Variants in CHMP4C observed in about 807,000 individuals in gnomAD.
The protein encoded by CHMP4C is charged multivesicular body protein 4C.
A neutral mutation model predicts 29.0 loss-of-function variants in CHMP4C; 28 were observed. That is an observed-to-expected ratio of 0.97 (90% CI 0.72 to 1.32). The LOEUF is 1.32. CHMP4C is among the 40% of genes most tolerant of loss of function. The pLI is 0.00. For missense variants in CHMP4C, 291 were observed against 281.0 expected, an observed-to-expected ratio of 1.04 and a Z score of -0.25; for synonymous variants, 106 against 102.4, an observed-to-expected ratio of 1.04 and a Z score of -0.21.
intron 1 of CHMP4C, among the ~76,000 whole-genome samples, chr8:81,738,285 C>G (rs1040250667): frequency 1.2e-4 from 18 of 152,154 alleles, no homozygotes; most frequent in Non-Finnish European, 4.4e-5. Context: ...GGCCAAAACC[C>G]CTACTCAATA....
chr8:81,747,355 A>AG (rs1808838546), intron 1 of CHMP4C, among the ~76,000 whole-genome samples: 1 of 152,050 alleles, frequency 6.6e-6, no homozygotes, highest in African/African-American at 2.4e-5. Flanking sequence ...AAAAAAAAAA[A>AG]AGAGTAAAGC....
Position 81,732,680 on chromosome 8 carries a change from C to G in CHMP4C, c.54C>G (p.Ala18=). Residue 18 remains alanine (A), a synonymous_variant, in exon 1 of 5, where the codon GCC becomes GCG. Coordinates refer to ENST00000297265, the MANE Select transcript of CHMP4C (RefSeq NM_152284.4). ...GGGGCGGCTCTTCTAAGAGCCGAGC[C>G]GCTCCCAGTCCCCAGGAGGCCCTGG... ...FKGGGSSKSR[A]APSPQEALVR... is the part of the protein sequence containing the mutation. The G allele has an allele frequency of 1.3e-6, 2 of 1,581,900 alleles. No homozygotes were observed. Among genetic ancestry groups the G allele is most frequent in the East Asian group, 2.3e-5 (1 of 43,762 alleles).
At chr8:81,755,082 C>G (rs1395240069) in intron 2 of CHMP4C, among the ~76,000 whole-genome samples, 1 of 152,028 alleles carries the variant, frequency 6.6e-6, no homozygotes, top group Non-Finnish European at 1.5e-5. Context: ...TATGCCCTAT[C>G]AGACAAAATT....
At chr8:81,752,831 T>A (rs28403218) in intron 1 of CHMP4C, among the ~76,000 whole-genome samples, 2 of 152,202 alleles carry the variant, frequency 1.3e-5, no homozygotes, top group Admixed American at 1.3e-4. Flanking sequence ...ACTTTCCATC[T>A]GCTTATACTT....
intron 1 of CHMP4C, among the ~76,000 whole-genome samples, chr8:81,736,041 G>A (rs757432881): frequency 3.3e-5 from 5 of 151,354 alleles, no homozygotes; most frequent in Non-Finnish European, 7.4e-5. Context: ...AGCAGAGATC[G>A]CGCCATTGCA....
chr8:81,749,295 T>C (rs1322937960), intron 1 of CHMP4C, among the ~76,000 whole-genome samples: 1 of 152,224 alleles, frequency 6.6e-6, no homozygotes, highest in Non-Finnish European at 1.5e-5. Context: ...GACCAATATC[T>C]ACTCTTGGGA....
chr8:81,741,594 T>C (rs1270304072), intron 1 of CHMP4C, among the ~76,000 whole-genome samples: 3 of 151,842 alleles, frequency 2.0e-5, no homozygotes, highest in Non-Finnish European at 2.9e-5. Context: ...AAGGTTTGGC[T>C]TTGGGGGTCA....
At chr8:81,758,342 T>C in intron 4 of CHMP4C, 47 bp downstream of exon 4, 1 of 1,605,522 alleles carries the variant, frequency 6.2e-7, no homozygotes, top group Admixed American at 1.7e-5. Context: ...TTGCCTAAAA[T>C]GATAGCCAGG....
chr8:81,732,582 T>C lies in CHMP4C; in HGVS notation c.-45T>C. The C allele has an allele frequency of 2.0e-6, 3 of 1,472,692 alleles. No homozygotes were observed. The highest frequency in any genetic ancestry group is 1.3e-5 in the South Asian group (1 of 75,176). The allele number at this position is 1,472,692 out of a possible 1,614,324, so 91.2% of individuals were successfully genotyped here. ...TCCCCTCGGCGCGGCCCCGGGGAGC[T>C]CCCGAGAGGCCCCCGGGATCGCTGG... On this transcript the variant is annotated 5_prime_UTR_variant, in exon 1 of 5. Transcript: ENST00000297265.
intron 1 of CHMP4C, among the ~76,000 whole-genome samples, chr8:81,748,541 A>T (rs1215010542): frequency 6.6e-6 from 1 of 152,210 alleles, no homozygotes; most frequent in African/African-American, 2.4e-5. Context: ...TTCTTCTGTC[A>T]TGGCTTCAGC....
chr8:81,747,134 G>C (rs1206758878), intron 1 of CHMP4C, among the ~76,000 whole-genome samples: 2 of 152,116 alleles, frequency 1.3e-5, no homozygotes, highest in Non-Finnish European at 2.9e-5. Flanking sequence ...GCAGGTGAGG[G>C]AACATCACTT....
intron 1 of CHMP4C, among the ~76,000 whole-genome samples, chr8:81,743,572 A>G (rs1043554390): frequency 5.3e-5 from 8 of 152,170 alleles, no homozygotes; most frequent in Non-Finnish European, 1.2e-4. Flanking sequence ...AAATATGTTA[A>G]TTTCTCTTGC....
At chr8:81,757,513 C>T (rs1808987083) in intron 3 of CHMP4C, among the ~76,000 whole-genome samples, 1 of 152,174 alleles carries the variant, frequency 6.6e-6, no homozygotes, top group African/African-American at 2.4e-5. Flanking sequence ...AGGTCTCAAA[C>T]TAGCCTTGTC....
At chr8:81,748,603 C>A (rs1464739228) in intron 1 of CHMP4C, among the ~76,000 whole-genome samples, 2 of 152,184 alleles carry the variant, frequency 1.3e-5, no homozygotes, top group East Asian at 3.9e-4. Context: ...ATGGTAAAAA[C>A]AAATAGGTAA....
intron 1 of CHMP4C, among the ~76,000 whole-genome samples, chr8:81,739,988 G>A (rs190519669): frequency 3.9e-5 from 6 of 152,078 alleles, no homozygotes; most frequent in Admixed American, 2.0e-4. Flanking sequence ...TCTTATTTTC[G>A]GTTGTTTTAG....
At chr8:81,749,946 T>G (rs1393118347) in intron 1 of CHMP4C, among the ~76,000 whole-genome samples, 2 of 152,104 alleles carry the variant, frequency 1.3e-5, no homozygotes, top group African/African-American at 2.4e-5. Context: ...AATTTTGAAC[T>G]TGAGAGAGAT....
At chr8:81,740,737 T>G (rs1379301914) in intron 1 of CHMP4C, among the ~76,000 whole-genome samples, 1 of 152,230 alleles carries the variant, frequency 6.6e-6, no homozygotes. Flanking sequence ...CACCTGGGGT[T>G]CACAAATGCT....
intron 1 of CHMP4C, among the ~76,000 whole-genome samples, chr8:81,738,605 A>G (rs1585941030): frequency 6.6e-6 from 1 of 152,202 alleles, no homozygotes; most frequent in South Asian, 2.1e-4. Flanking sequence ...CAGACACTGC[A>G]GATCAGAAGG....
intron 1 of CHMP4C, among the ~76,000 whole-genome samples, chr8:81,736,467 T>C (rs1249018022): frequency 6.6e-6 from 1 of 152,222 alleles, no homozygotes; most frequent in African/African-American, 2.4e-5. Flanking sequence ...GGTGAAATTC[T>C]ACATATTCTA....
Sources: allele counts gnomAD v4.1 joint callset (sites outside exome capture counted in the v4.1 genomes callset), GRCh38; gene constraint gnomAD v4.1.1; transcripts MANE v1.5; gene names NCBI Gene and HGNC (gene_info 2026-07-23, HGNC 2026-07-21).